YTHDF2: variants seen among roughly 807,000 people sequenced by gnomAD.
YTHDF2 encodes the protein YTH N6-methyladenosine RNA binding protein F2.
YTHDF2 carries 2 observed loss-of-function variants against 50.4 expected under a neutral mutation model. The ratio of observed to expected loss-of-function variants is 0.04; its 90% confidence interval spans 0.02 to 0.12. The LOEUF is 0.12. Ranked by LOEUF, YTHDF2 falls within the 10% of genes least tolerant of loss-of-function variation. The pLI is 1.00. For synonymous variants in YTHDF2, 217 were observed against 255.6 expected (o/e 0.85, Z 1.44); for missense variants, 483 against 722.6 (o/e 0.67, Z 3.80).
At chr1:28,737,777 C>T in intron 2 of YTHDF2, 95 bp downstream of exon 2, 2 of 1,487,466 alleles carry the variant, frequency 1.3e-6, no homozygotes, top group Non-Finnish European at 1.8e-6. Flanking sequence ...GAGGACCTTT[C>T]GGAAGCCGCT....
chr1:28,763,549 A>G (rs937679163), intron 4 of YTHDF2, among the ~76,000 whole-genome samples: 7 of 151,938 alleles, frequency 4.6e-5, no homozygotes, highest in Admixed American at 1.3e-4. Flanking sequence ...TCCACCACCC[A>G]GGTTCAAGCG....
intron 3 of YTHDF2, among the ~76,000 whole-genome samples, chr1:28,740,759 A>G (rs558072743): frequency 3.3e-5 from 5 of 152,156 alleles, no homozygotes; most frequent in Non-Finnish European, 5.9e-5. Context: ...GCTGTAGTGC[A>G]GTGGTGCGAT....
At chr1:28,742,255 A>G (rs2087787832) in intron 3 of YTHDF2, 148 bp from the exon 4 acceptor site, 2 of 1,006,960 alleles carry the variant, frequency 2.0e-6, no homozygotes, top group African/African-American at 3.3e-5. Context: ...TCCACCTCCC[A>G]AAGTGTAGGG....
chr1:28,743,149 T>G lies in YTHDF2; in HGVS notation c.879T>G (p.Val293=). 6.2e-7 allele frequency: 1 copy of G among 1,614,084 alleles called. No homozygotes were observed. The change falls in exon 4 of 5, where the codon GTT becomes GTG. Residue 293 remains valine (V), a synonymous_variant. Coordinates refer to ENST00000373812, the MANE Select transcript of YTHDF2 (RefSeq NM_016258.3). This position sits in a 1 kb window ranked among gnomAD's most constrained non-coding sequence, Gnocchi z 6.9. ...PVAKAPSQAL[V]QNIGQPTQGS... is the part of the protein sequence containing the mutation. ...CAAAAGCCCCCTCACAGGCTTTGGT[T>G]CAGAATATAGGTCAGCCAACCCAGG...
chr1:28,752,945 T>A (rs1482581006), intron 4 of YTHDF2, among the ~76,000 whole-genome samples: 1 of 151,958 alleles, frequency 6.6e-6, no homozygotes. Flanking sequence ...CTCAGGAGGC[T>A]GAGGCAGGAG....
intron 1 of YTHDF2, 44 bp from the exon 2 acceptor site, chr1:28,737,614 C>A: frequency 6.2e-7 from 1 of 1,613,722 alleles, no homozygotes; most frequent in Non-Finnish European, 8.5e-7. Flanking sequence ...TTCCATTTCT[C>A]CTTTGGACAA....
At chr1:28,768,844 G>A in intron 4 of YTHDF2, 85 bp from the exon 5 acceptor site, 1 of 981,858 alleles carries the variant, frequency 1.0e-6, no homozygotes, top group South Asian at 1.9e-5. Flanking sequence ...TTAAATTTCT[G>A]TTGAGTTATT....
chr1:28,737,308 C>T (rs1570457599), intron 1 of YTHDF2, 161 bp downstream of exon 1: 3 of 934,920 alleles, frequency 3.2e-6, no homozygotes, highest in Non-Finnish European at 1.5e-6. Context: ...GCGCCTCTCC[C>T]TCAGCCTGTT....
rs1486669177 is a variant in YTHDF2 at position 28,743,376 on chromosome 1, A to G, written c.1106A>G (p.Asn369Ser). Residue 369 changes from asparagine to serine, a missense_variant, in exon 4 of 5, where the codon AAT (asparagine) becomes AGT (serine). Asn to Ser is a conservative substitution (Grantham distance 46). This residue lies in a region of YTHDF2 where 385 missense variants were observed against 475.8 expected (regional missense o/e 0.81). Transcript: ENST00000373812. This position sits in a 1 kb window ranked among gnomAD's most constrained non-coding sequence, Gnocchi z 6.9. ...TTCGGTCATAATGGGGTGGATGGTA[A>G]TGGAGTAGGACAGTCTCAGGCTGGT... Reference protein sequence around the residue: ...SGFGHNGVDGNGVGQSQAGSG... With the variant: ...SGFGHNGVDGSGVGQSQAGSG... 6.2e-7 allele frequency: 1 copy of G among 1,614,164 alleles called. No homozygotes were observed. Among genetic ancestry groups the G allele is most frequent in the South Asian group, 1.1e-5 (1 of 91,086 alleles).
intron 4 of YTHDF2, among the ~76,000 whole-genome samples, chr1:28,753,054 A>T (rs11809499): frequency 0.022 from 3,408 of 151,832 alleles, 42 homozygotes; most frequent in Middle Eastern, 0.041. Flanking sequence ...AGAAAAAAAA[A>T]TTTTTTTGAG....
intron 4 of YTHDF2, among the ~76,000 whole-genome samples, chr1:28,753,702 TTC>T (rs2087992154): frequency 1.3e-5 from 2 of 151,422 alleles, no homozygotes; most frequent in South Asian, 4.2e-4. Flanking sequence ...CAGGATTTTA[TTC>T]TTTTTTTTTT....
chr1:28,741,749 C>T (rs544253838), intron 3 of YTHDF2, among the ~76,000 whole-genome samples: 17 of 152,260 alleles, frequency 1.1e-4, no homozygotes, highest in Admixed American at 6.5e-4. Context: ...GATTGAGGAA[C>T]GGCTGTACAG....
chr1:28,740,710 T>G (rs1570461007), intron 3 of YTHDF2, among the ~76,000 whole-genome samples: 1 of 152,132 alleles, frequency 6.6e-6, no homozygotes, highest in Non-Finnish European at 1.5e-5. Context: ...TATTATTTAT[T>G]TATTTATTTT....
chr1:28,752,762 G>A (rs1464535346), intron 4 of YTHDF2, among the ~76,000 whole-genome samples: 1 of 151,708 alleles, frequency 6.6e-6, no homozygotes, highest in African/African-American at 2.4e-5. Flanking sequence ...ACAAAAATTT[G>A]TCCTGCACAG....
intron 4 of YTHDF2, 104 bp downstream of exon 4, chr1:28,744,090 C>A: frequency 8.2e-7 from 1 of 1,219,648 alleles, no homozygotes; most frequent in Non-Finnish European, 1.1e-6. Flanking sequence ...TAAATGAATA[C>A]AGTATCACCT....
At chr1:28,745,729 C>G (rs1220280943) in intron 4 of YTHDF2, among the ~76,000 whole-genome samples, 2 of 110,314 alleles carry the variant, frequency 1.8e-5, no homozygotes, top group Non-Finnish European at 4.0e-5. Flanking sequence ...CCCCCGCCCC[C>G]CCCCCCCAAA....
At chr1:28,740,903 A>G (rs1423961278) in intron 3 of YTHDF2, among the ~76,000 whole-genome samples, 2 of 151,320 alleles carry the variant, frequency 1.3e-5, no homozygotes, top group African/African-American at 4.9e-5. Flanking sequence ...CGGGGTTTTA[A>G]CTGTGTTAGC....
Position 28,742,861 on chromosome 1 carries a change from A to G in YTHDF2, c.591A>G (p.Thr197=). The change falls in exon 4 of 5, where the codon ACA becomes ACG. Residue 197 remains threonine (T), a synonymous_variant. Coordinates refer to ENST00000373812, the MANE Select transcript of YTHDF2 (RefSeq NM_016258.3). ...TGGCAGCACTGAAGTTGGGTAGCAC[A>G]GAAGTTGCAAGCAATGTTCCAAAAG... ...QGMAALKLGS[T]EVASNVPKVV... is the part of the protein sequence containing the mutation. The G allele has an allele frequency of 6.2e-7, 1 of 1,614,186 alleles. No homozygotes were observed. Among genetic ancestry groups the G allele is most frequent in the Non-Finnish European group, 8.5e-7 (1 of 1,180,028 alleles).
intron 1 of YTHDF2, 50 bp from the exon 2 acceptor site, chr1:28,737,608 A>C: frequency 6.2e-7 from 1 of 1,610,774 alleles, no homozygotes; most frequent in Non-Finnish European, 8.5e-7. Context: ...TTCCTTTTCC[A>C]TTTCTCCTTT....
Sources: allele counts gnomAD v4.1 joint callset (sites outside exome capture counted in the v4.1 genomes callset), GRCh38; gene constraint gnomAD v4.1.1; regional missense constraint gnomAD v4.1.1; non-coding constraint Gnocchi (gnomAD v3.1); transcripts MANE v1.5; gene names NCBI Gene and HGNC (gene_info 2026-07-23, HGNC 2026-07-21).